The following GPC6 variants were observed in gnomAD, a reference collection of about 807,000 sequenced individuals.
GPC6 encodes glypican 6.
Under a neutral mutation model 55.2 loss-of-function variants are expected in GPC6, and 14 were observed. The ratio of observed to expected loss-of-function variants is 0.25; its 90% confidence interval spans 0.17 to 0.40. The LOEUF (loss-of-function observed/expected upper bound fraction) is 0.40. Among genes scored for constraint, GPC6 ranks in the 10% least tolerant of loss-of-function variants. The pLI is 1.00. For synonymous variants in GPC6, 278 were observed against 259.6 expected, an observed-to-expected ratio of 1.07 and a Z score of -0.68; for missense variants, 641 against 708.5, an observed-to-expected ratio of 0.90 and a Z score of 1.08.
At chr13:94,355,713 TC>T (rs1033762453) in intron 6 of GPC6, among the ~76,000 whole-genome samples, 33 of 151,982 alleles carry the variant, frequency 2.2e-4, no homozygotes, top group African/African-American at 7.0e-4. Flanking sequence ...ATGCTTCCAG[TC>T]CCCCCCTCCA....
At chr13:93,994,574 A>G (rs1451339280) in intron 3 of GPC6, among the ~76,000 whole-genome samples, 1 of 152,132 alleles carries the variant, frequency 6.6e-6, no homozygotes, top group Non-Finnish European at 1.5e-5. Flanking sequence ...GGCAGAGGAG[A>G]TGGAAATTAG....
chr13:93,501,849 A>C (rs1228816498), intron 1 of GPC6, among the ~76,000 whole-genome samples: 1 of 152,136 alleles, frequency 6.6e-6, no homozygotes, highest in Non-Finnish European at 1.5e-5. Flanking sequence ...GAAATTACTT[A>C]ACCATAGTAG....
intron 6 of GPC6, among the ~76,000 whole-genome samples, chr13:94,338,073 G>T (rs148439660): frequency 6.6e-6 from 1 of 152,196 alleles, no homozygotes; most frequent in Admixed American, 6.5e-5. Flanking sequence ...ATTTCTTTCC[G>T]TGAGCATTGT....
chr13:93,339,225 C>T (rs1880151073), intron 1 of GPC6, among the ~76,000 whole-genome samples: 1 of 152,080 alleles, frequency 6.6e-6, no homozygotes, highest in Non-Finnish European at 1.5e-5. Flanking sequence ...TTTAAAATAT[C>T]TGGAGCCATC....
chr13:93,812,044 A>G (rs1886708318), intron 2 of GPC6, among the ~76,000 whole-genome samples: 2 of 149,174 alleles, frequency 1.3e-5, no homozygotes, highest in African/African-American at 4.9e-5. Flanking sequence ...GTGGTGTTAT[A>G]TTTAGGTCTC....
intron 2 of GPC6, among the ~76,000 whole-genome samples, chr13:93,575,372 A>G (rs1366872402): frequency 2.0e-5 from 3 of 152,168 alleles, no homozygotes; most frequent in Non-Finnish European, 4.4e-5. Flanking sequence ...ATATTACTCC[A>G]TGCCTTTCTT....
intron 2 of GPC6, among the ~76,000 whole-genome samples, chr13:93,667,019 A>G (rs1881166525): frequency 6.6e-6 from 1 of 152,120 alleles, no homozygotes; most frequent in African/African-American, 2.4e-5. Context: ...ACAATGCTGT[A>G]TTTGAAAAAA....
chr13:93,743,292 C>CTAAG (rs776874957), intron 2 of GPC6, among the ~76,000 whole-genome samples: 16 of 151,976 alleles, frequency 1.1e-4, no homozygotes, highest in Non-Finnish European at 2.2e-4. Flanking sequence ...TCTGAAAGAC[C>CTAAG]TAAGCTTGAA....
intron 2 of GPC6, among the ~76,000 whole-genome samples, chr13:93,684,061 C>T (rs1218558308): frequency 6.6e-6 from 1 of 152,108 alleles, no homozygotes. Flanking sequence ...TGCTATACTC[C>T]TAACACCGTC....
At position 93,668,936 on chromosome 13, in the gene GPC6, C is replaced by T. The variant is rs1170137734; in HGVS notation, c.319+123515C>T. On this transcript the variant is annotated intron_variant, in intron 2 of 8. Transcript: ENST00000377047. ...CTAAGATCAAGGTGACTTATACGAA[C>T]AATCCCTTTTCCCTGTTATTCGAAT... Among the ~76,000 whole-genome samples the T allele has an allele frequency of 1.3e-5, 2 of 152,166 alleles. 1 individual carries two copies. Among genetic ancestry groups the T allele is most frequent in the Middle Eastern group, 6.3e-3 (2 of 316 alleles).
intron 3 of GPC6, among the ~76,000 whole-genome samples, chr13:93,913,770 C>G (rs1877137280): frequency 6.6e-6 from 1 of 152,106 alleles, no homozygotes; most frequent in Admixed American, 6.5e-5. Flanking sequence ...GCTGGTCATT[C>G]AGATGATTCA....
intron 1 of GPC6, among the ~76,000 whole-genome samples, chr13:93,346,128 C>T (rs1036070710): frequency 3.3e-5 from 5 of 152,004 alleles, no homozygotes; most frequent in African/African-American, 9.7e-5. Flanking sequence ...GATCAAAGTA[C>T]TTTGTAGTCA....
At chr13:93,747,372 G>A (rs1281450009) in intron 2 of GPC6, among the ~76,000 whole-genome samples, 1 of 152,158 alleles carries the variant, frequency 6.6e-6, no homozygotes, top group Admixed American at 6.6e-5. Flanking sequence ...AGACTGTACA[G>A]TCAAACCTAG....
chr13:94,396,346 TCTTTA>T (rs1392412813), intron 7 of GPC6, among the ~76,000 whole-genome samples: 2 of 152,206 alleles, frequency 1.3e-5, no homozygotes, highest in African/African-American at 4.8e-5. Context: ...TATGTTATTG[TCTTTA>T]CTTTAACATG....
chr13:93,357,155 A>C (rs563860844), intron 1 of GPC6, among the ~76,000 whole-genome samples: 9 of 152,290 alleles, frequency 5.9e-5, no homozygotes, highest in African/African-American at 2.2e-4. Context: ...AGCAGAGTGA[A>C]TCACCTTCAT....
intron 1 of GPC6, among the ~76,000 whole-genome samples, chr13:93,266,090 C>A (rs534315032): frequency 3.3e-5 from 5 of 152,220 alleles, no homozygotes; most frequent in East Asian, 1.9e-4. Context: ...AATGAAGACA[C>A]CTTCAGAAAT....
At chr13:94,308,405 G>T (rs976735094) in intron 6 of GPC6, among the ~76,000 whole-genome samples, 1 of 152,054 alleles carries the variant, frequency 6.6e-6, no homozygotes, top group African/African-American at 2.4e-5. Flanking sequence ...AGCTATAAAG[G>T]TCTCGAGAGT....
At chr13:93,440,331 G>T (rs1877740467) in intron 1 of GPC6, among the ~76,000 whole-genome samples, 1 of 152,212 alleles carries the variant, frequency 6.6e-6, no homozygotes, top group Non-Finnish European at 1.5e-5. Flanking sequence ...GGTCACTTGT[G>T]CAGAGATGCC....
chr13:93,340,247 G>T lies in GPC6; in HGVS notation c.160+112631G>T, dbSNP rs538727529. On this transcript the variant is annotated intron_variant, in intron 1 of 8. Transcript: ENST00000377047. ...GACGGGGTTTCACCGTGTTAGCCAGGTTGGTCTGGATCTCCTGACCTCGTG... is the reference window on the plus strand; with the variant it reads ...GACGGGGTTTCACCGTGTTAGCCAGTTTGGTCTGGATCTCCTGACCTCGTG... Among the ~76,000 whole-genome samples the T allele has an allele frequency of 1.4e-4, 21 of 152,040 alleles. 1 individual carries two copies. Among genetic ancestry groups the T allele is most frequent in the Admixed American group, 1.2e-3 (19 of 15,268 alleles).
Sources: gnomAD v4.1 joint callset for allele counts (sites outside exome capture counted in the v4.1 genomes callset) on GRCh38, gnomAD v4.1.1 for gene constraint, MANE v1.5 for transcripts, NCBI Gene and HGNC (gene_info 2026-07-23, HGNC 2026-07-21) for gene names.